TCF12: variants seen among roughly 807,000 people sequenced by gnomAD.
TCF12 encodes DNA-binding protein HTF4.
TCF12 carries 45 observed loss-of-function variants against 86.0 expected under a neutral mutation model. The observed-to-expected ratio is 0.52, with a 90% CI of 0.41 to 0.67. TCF12 has a LOEUF of 0.67. TCF12 is among the 30% of genes least tolerant of loss of function. TCF12 has a pLI of 0.00. For missense variants in TCF12, 881 were observed against 859.9 expected (o/e 1.02, Z -0.31); for synonymous variants, 330 against 299.6 (o/e 1.10, Z -1.05).
intron 5 of TCF12, among the ~76,000 whole-genome samples, chr15:57,120,479 C>G (rs2051151896): frequency 6.6e-6 from 1 of 152,114 alleles, no homozygotes; most frequent in Non-Finnish European, 1.5e-5. Flanking sequence ...TTACATGATC[C>G]CTGCCATTGA....
chr15:56,985,973 G>A (rs763619447), intron 3 of TCF12, among the ~76,000 whole-genome samples: 5 of 152,140 alleles, frequency 3.3e-5, no homozygotes, highest in Non-Finnish European at 4.4e-5. Flanking sequence ...GACAGAAAGG[G>A]AAGAGGGATA....
intron 3 of TCF12, among the ~76,000 whole-genome samples, chr15:56,962,011 A>G: frequency 6.6e-6 from 1 of 151,748 alleles, no homozygotes; most frequent in Non-Finnish European, 1.5e-5. Flanking sequence ...GGGCGCCTGT[A>G]GTCCCAGCTA....
intron 3 of TCF12, among the ~76,000 whole-genome samples, chr15:56,921,931 A>C (rs1254714683): frequency 2.6e-5 from 4 of 152,054 alleles, no homozygotes; most frequent in Admixed American, 2.6e-4. Flanking sequence ...TTTAATTATG[A>C]AATTAGAGCT....
intron 19 of TCF12, among the ~76,000 whole-genome samples, chr15:57,275,365 C>CGTGTGTGTGTGT (rs1555417715): frequency 3.6e-5 from 3 of 82,420 alleles, no homozygotes; most frequent in Non-Finnish European, 5.5e-5. Context: ...TGTGTGTGTA[C>CGTGTGTGTGTGT]GTATGTAGAG....
At chr15:56,957,390 T>C (rs2140513390) in intron 3 of TCF12, among the ~76,000 whole-genome samples, 1 of 152,338 alleles carries the variant, frequency 6.6e-6, no homozygotes, top group South Asian at 2.1e-4. Context: ...TTGCCACAGC[T>C]CACTTCATTT....
intron 19 of TCF12, among the ~76,000 whole-genome samples, chr15:57,276,064 A>T (rs1271547879): frequency 6.6e-6 from 1 of 152,238 alleles, no homozygotes; most frequent in East Asian, 1.9e-4. Context: ...GCGTTACTCA[A>T]GACTCAGTGG....
intron 5 of TCF12, among the ~76,000 whole-genome samples, chr15:57,162,417 G>A (rs1396413378): frequency 6.6e-6 from 1 of 152,040 alleles, no homozygotes; most frequent in Non-Finnish European, 1.5e-5. Flanking sequence ...GACTGAGTAT[G>A]CATTATTTTA....
chr15:57,262,387 C>G (rs571262286), intron 17 of TCF12, among the ~76,000 whole-genome samples, 179 bp downstream of exon 17: 2 of 152,138 alleles, frequency 1.3e-5, no homozygotes, highest in African/African-American at 2.4e-5. Context: ...TTGACAATTA[C>G]AGATACTTAT....
chr15:57,064,785 G>C (rs1323527844), intron 4 of TCF12, among the ~76,000 whole-genome samples: 3 of 82,118 alleles, frequency 3.7e-5, no homozygotes, highest in Non-Finnish European at 5.8e-5. Flanking sequence ...CACAGAGTGA[G>C]ACTCCATCTC....
At position 57,166,395 on chromosome 15, in the gene TCF12, T is replaced by C. The variant is rs774593418; in HGVS notation, c.326-7T>C. The stretch of plus-strand genomic sequence containing the variant: ...TTTTATATAAAGTTAATTTCTTTGT[T>C]TTATAGGAAAAACATCAGAGAGAGG... On this transcript the variant is annotated splice_region_variant and splice_polypyrimidine_tract_variant and intron_variant, in intron 5 of 20. Coordinates refer to ENST00000333725, the MANE Select transcript of TCF12 (RefSeq NM_207037.2). The C allele has an allele frequency of 1.9e-6, 3 of 1,610,464 alleles. No individual in the cohort carries two copies. The East Asian group carries it at 6.7e-5, about 36-fold the overall frequency.
intron 3 of TCF12, among the ~76,000 whole-genome samples, chr15:56,925,467 A>G (rs2059969006): frequency 6.6e-6 from 1 of 152,184 alleles, no homozygotes; most frequent in Non-Finnish European, 1.5e-5. Flanking sequence ...TTGAAATGAG[A>G]AGATAAAGAT....
At chr15:57,119,277 T>G (rs1178656312) in intron 5 of TCF12, among the ~76,000 whole-genome samples, 3 of 151,542 alleles carry the variant, frequency 2.0e-5, no homozygotes, top group African/African-American at 4.9e-5. Context: ...TTTGTTTTTT[T>G]GTTTGTTTGT....
At chr15:57,118,999 A>C (rs1195966384) in intron 5 of TCF12, among the ~76,000 whole-genome samples, 1 of 152,160 alleles carries the variant, frequency 6.6e-6, no homozygotes, top group Non-Finnish European at 1.5e-5. Flanking sequence ...CTCTCTCAGA[A>C]TAACTTGTTT....
chr15:56,990,101 G>A (rs935183204), intron 3 of TCF12, among the ~76,000 whole-genome samples: 11 of 149,464 alleles, frequency 7.4e-5, no homozygotes, highest in Non-Finnish European at 1.5e-4. Flanking sequence ...CAAAAACTTC[G>A]GTAGTTTCGG....
At chr15:57,109,525 A>G (rs1403969418) in intron 5 of TCF12, among the ~76,000 whole-genome samples, 2 of 152,148 alleles carry the variant, frequency 1.3e-5, no homozygotes, top group African/African-American at 4.8e-5. Context: ...TCGAATTTCT[A>G]TTCTCGTCTT....
rs2060665628 is a variant in TCF12, at chr15:57,263,107, G to C, written c.1583-5G>C. ...TATTTTATCTTTCCTTTGCCTCTTT[G>C]TTAGGTGGCTTGCAAAGTCAGTCTG... On this transcript the variant is annotated splice_polypyrimidine_tract_variant and splice_region_variant and intron_variant, in intron 17 of 20. Transcript: ENST00000333725. 6 of 1,590,540 alleles carry C rather than the reference G, an allele frequency of 3.8e-6. No individual in the cohort carries two copies. In the East Asian group the frequency reaches 1.4e-4, roughly 36 times the overall value.
chr15:57,114,752 A>G (rs1216356375), intron 5 of TCF12, among the ~76,000 whole-genome samples: 2 of 152,164 alleles, frequency 1.3e-5, no homozygotes, highest in African/African-American at 2.4e-5. Context: ...TTATTTCCAA[A>G]TAGAACAACA....
At chr15:57,216,731 A>G (rs1427638628) in intron 8 of TCF12, among the ~76,000 whole-genome samples, 1 of 152,150 alleles carries the variant, frequency 6.6e-6, no homozygotes, top group Non-Finnish European at 1.5e-5. Flanking sequence ...GGAGCAGAGA[A>G]AAAAAGATTT....
chr15:57,145,259 A>T (rs1386895989), intron 5 of TCF12, among the ~76,000 whole-genome samples: 1 of 152,196 alleles, frequency 6.6e-6, no homozygotes, highest in Admixed American at 6.5e-5. Context: ...AGTATTGGTA[A>T]TGTGTTACAG....
Sources: gnomAD v4.1 joint callset for allele counts (sites outside exome capture counted in the v4.1 genomes callset) on GRCh38, gnomAD v4.1.1 for gene constraint, MANE v1.5 for transcripts, NCBI Gene and HGNC (gene_info 2026-07-23, HGNC 2026-07-21) for gene names.